Variants in PHKA1 observed in about 807,000 individuals in gnomAD.
PHKA1 encodes the protein phosphorylase kinase regulatory subunit alpha 1, also known as phosphorylase b kinase regulatory subunit alpha, skeletal muscle isoform.
A neutral mutation model predicts 110.2 loss-of-function variants in PHKA1; 60 were observed. The observed-to-expected ratio is 0.54, with a 90% confidence interval of 0.44 to 0.68. The LOEUF (loss-of-function observed/expected upper bound fraction) is 0.68. PHKA1 is among the 30% of genes least tolerant of loss of function. PHKA1 has a pLI of 0.00. For synonymous variants in PHKA1, 316 were observed against 333.6 expected (o/e 0.95, Z 0.58); for missense variants, 801 against 942.5 (o/e 0.85, Z 1.97).
intron 4 of PHKA1, among the ~76,000 whole-genome samples, chrX:72,689,609 T>A (rs1193039253): frequency 8.9e-6 from 1 of 112,370 alleles, no homozygotes; most frequent in African/African-American, 3.2e-5. Context: ...TATCCAATTA[T>A]CAGTTGATAA....
intron 8 of PHKA1, among the ~76,000 whole-genome samples, chrX:72,663,548 C>A (rs782648123): frequency 9.1e-6 from 1 of 110,424 alleles, no homozygotes; most frequent in Non-Finnish European, 1.9e-5. Flanking sequence ...AGATTCAAAC[C>A]AAAAAATGTT....
intron 13 of PHKA1, among the ~76,000 whole-genome samples, chrX:72,646,758 C>T (rs908705941): frequency 9.0e-6 from 1 of 111,196 alleles, no homozygotes; most frequent in East Asian, 2.8e-4. Flanking sequence ...CATATTAATA[C>T]CTGTACCTTA....
In PHKA1 at chrX:72,589,669, T is replaced by C. The variant is rs200960061; in HGVS notation, c.3243+3435A>G. 0.018 allele frequency among the ~76,000 whole-genome samples: 1,926 copies of C among 104,936 alleles called. 206 individuals are homozygous for C. The East Asian group carries it at 0.36, about 20-fold the overall frequency. 91.1% of individuals were successfully genotyped at this position (104,936 alleles called of 115,157 possible). ...GTTTGCACATGACATGATTGTATAT[T>C]TAGAAAACCCCATCGTCTCAGCCCA... On this transcript the variant is annotated intron_variant, in intron 29 of 31. Coordinates refer to ENST00000373542, the MANE Select transcript of PHKA1 (RefSeq NM_002637.4).
rs1310871345 is a variant in PHKA1 at position 72,605,594 on chromosome X, G to C, written c.2632C>G (p.Gln878Glu). 4 of 1,205,167 alleles carry C rather than the reference G, an allele frequency of 3.3e-6. No individual in the cohort carries two copies. The highest frequency in any genetic ancestry group is 4.5e-6 in the Non-Finnish European group (4 of 890,684). The change falls in exon 24 of 32, where the codon CAG becomes GAG. Residue 878 changes from glutamine (Q) to glutamate (E), a missense_variant. Transcript: ENST00000373542. Reference sequence around the variant, plus strand: ...CCTTCACTGGCTTCATCTATCAGCTGAGTGAGCGCCTCATAGGGCAGAGGT... The same window carrying C: ...CCTTCACTGGCTTCATCTATCAGCTCAGTGAGCGCCTCATAGGGCAGAGGT... ...SAPLPYEALTQLIDEASEGDM... is the reference protein window; with the variant it reads ...SAPLPYEALTELIDEASEGDM...
intron 22 of PHKA1, 98 bp downstream of exon 22, chrX:72,610,930 G>A (rs2052799978): frequency 3.4e-6 from 2 of 591,988 alleles, no homozygotes; most frequent in Non-Finnish European, 5.6e-6. Context: ...CATCTCAAAT[G>A]GTTAGAGGCT....
chrX:72,682,194 G>A (rs1279294452), intron 5 of PHKA1, among the ~76,000 whole-genome samples: 15 of 90,152 alleles, frequency 1.7e-4, no homozygotes, highest in East Asian at 1.3e-3. Flanking sequence ...CGCCCCGTCC[G>A]GGAGGGAGGT....
chrX:72,671,619 G>A (rs1173955954), intron 6 of PHKA1, among the ~76,000 whole-genome samples: 7 of 111,406 alleles, frequency 6.3e-5, no homozygotes, highest in Admixed American at 9.5e-5. Context: ...AAAAGAGCCC[G>A]CGTCGCCAAG....
Position 72,695,874 on chromosome X carries a change from C to T in PHKA1, c.288G>A (p.Val96=), listed in dbSNP as rs2054101857. ...TATATTTGAAGGATTCTACTTTATC[C>T]ACCTGAAAAGAACAAAAACATTAAA... ...RGLLHCMIRQ[V]DKVESFKYSQ... is the part of the protein sequence containing the mutation. The change falls in exon 4 of 32, where the codon GTG becomes GTA. Residue 96 remains valine, a splice_region_variant and synonymous_variant. Coordinates refer to ENST00000373542, the MANE Select transcript of PHKA1 (RefSeq NM_002637.4). 8.3e-7 allele frequency: 1 copy of T among 1,206,183 alleles called. No individual in the cohort carries two copies. The highest frequency in any genetic ancestry group is 1.1e-6 in the Non-Finnish European group (1 of 890,638).
chrX:72,623,562 C>G (rs782176590), intron 17 of PHKA1, among the ~76,000 whole-genome samples: 2 of 110,778 alleles, frequency 1.8e-5, no homozygotes, highest in East Asian at 5.7e-4. Context: ...CTAACTATGC[C>G]AAACATCTGG....
chrX:72,619,283 C>G lies in PHKA1; in HGVS notation c.2160G>C (p.Thr720=), dbSNP rs368071005. The change falls in exon 20 of 32, where the codon ACG becomes ACC. Residue 720 remains threonine (T), a synonymous_variant. Transcript: ENST00000373542. The stretch of plus-strand genomic sequence containing the variant: ...AAGGCCGGGAAGCCTGAAATAACTT[C>G]GTAGGAAGATACATGTGAACATCTG... ...HVQNVHMYLP[T]KLFQASRPSF... 1 of 1,178,569 alleles carries G rather than the reference C, an allele frequency of 8.5e-7. No individual in the cohort carries two copies. The highest frequency in any genetic ancestry group is 1.8e-5 in the South Asian group (1 of 55,805).
intron 31 of PHKA1, 55 bp downstream of exon 31, chrX:72,582,343 T>C (rs2052349463): frequency 2.3e-6 from 2 of 872,410 alleles, no homozygotes; most frequent in Non-Finnish European, 3.4e-6. Flanking sequence ...CCTCTGAATG[T>C]CATCAGGTTG....
intron 5 of PHKA1, among the ~76,000 whole-genome samples, chrX:72,676,996 C>CT (rs1556312130): frequency 8.9e-6 from 1 of 111,839 alleles, no homozygotes; most frequent in Non-Finnish European, 1.9e-5. Flanking sequence ...CACCAATGGC[C>CT]TTTTTACATT....
chrX:72,651,801 G>T (rs148900014), intron 12 of PHKA1, among the ~76,000 whole-genome samples: 35 of 111,591 alleles, frequency 3.1e-4, no homozygotes, highest in Middle Eastern at 9.2e-3. Flanking sequence ...TACATAAACA[G>T]GTCAAAGAGT....
intron 4 of PHKA1, among the ~76,000 whole-genome samples, chrX:72,688,698 A>AT (rs1556319824): frequency 8.9e-6 from 1 of 111,840 alleles, no homozygotes; most frequent in African/African-American, 3.3e-5. Flanking sequence ...TTATGAACTT[A>AT]TTTTTTTACT....
rs184136158 is a variant in PHKA1, at chrX:72,602,277, T to C, written c.2918-4A>G. 121 of 1,066,501 alleles carry C rather than the reference T, an allele frequency of 1.1e-4. No homozygotes were observed. The African/African-American group carries it at 1.4e-3, about 13-fold the overall frequency. The allele number at this position is 1,066,501 out of a possible 1,213,427, so 87.9% of individuals were successfully genotyped here. On this transcript the variant is annotated splice_polypyrimidine_tract_variant and splice_region_variant and intron_variant, in intron 26 of 31. Transcript: ENST00000373542. ...ACATTTGAATCAGTGGGACGAACTA[T>C]GTAGTATGAGAGATTACAGAGAAAG...
chrX:72,644,520 G>T, intron 13 of PHKA1, 24 bp from the exon 14 acceptor site: 1 of 1,188,528 alleles, frequency 8.4e-7, no homozygotes, highest in Non-Finnish European at 1.1e-6. Context: ...AGAAGATGAG[G>T]TCAACAGAAA....
At chrX:72,641,762 C>T (rs912172949) in intron 14 of PHKA1, among the ~76,000 whole-genome samples, 1 of 111,378 alleles carries the variant, frequency 9.0e-6, no homozygotes, top group Non-Finnish European at 1.9e-5. Context: ...TTGACGTACC[C>T]TTAGGGCAAT....
chrX:72,588,468 G>A (rs1347497199), intron 29 of PHKA1, among the ~76,000 whole-genome samples: 1 of 111,747 alleles, frequency 8.9e-6, no homozygotes, highest in Non-Finnish European at 1.9e-5. Context: ...GCCCACAAGA[G>A]AAAGCAGGAA....
intron 4 of PHKA1, among the ~76,000 whole-genome samples, chrX:72,688,491 G>C (rs782635742): frequency 8.9e-6 from 1 of 112,046 alleles, no homozygotes; most frequent in Admixed American, 9.4e-5. Context: ...TTGCATCACA[G>C]CTATATCATA....
Sources: allele counts gnomAD v4.1 joint callset (sites outside exome capture counted in the v4.1 genomes callset), GRCh38; gene constraint gnomAD v4.1.1; transcripts MANE v1.5; gene names NCBI Gene and HGNC (gene_info 2026-07-23, HGNC 2026-07-21).